Variants in CDX2 observed in about 807,000 individuals in gnomAD.
CDX2 encodes homeobox protein CDX-2.
Under a neutral mutation model 25.5 loss-of-function variants are expected in CDX2, and 7 were observed. That is an observed-to-expected ratio of 0.27 (90% CI 0.16 to 0.52). The LOEUF (loss-of-function observed/expected upper bound fraction) is 0.52, where lower values mean the gene tolerates loss of function less well. Ranked by LOEUF, CDX2 falls within the 20% of genes least tolerant of loss-of-function variation. CDX2 has a pLI of 0.97. For synonymous variants in CDX2, 222 were observed against 198.6 expected (o/e 1.12, Z -0.99); for missense variants, 375 against 431.4 (o/e 0.87, Z 1.16).
chr13:27,965,804 A>C (rs1174581355), intron 1 of CDX2, among the ~76,000 whole-genome samples: 1 of 152,220 alleles, frequency 6.6e-6, no homozygotes, highest in Non-Finnish European at 1.5e-5. Flanking sequence ...TAGTGTCCAC[A>C]ATGTTGGAGC....
intron 1 of CDX2, among the ~76,000 whole-genome samples, chr13:27,968,085 C>T (rs941143592): frequency 9.9e-5 from 15 of 152,228 alleles, no homozygotes; most frequent in African/African-American, 3.6e-4. Context: ...CCTCTCTCCT[C>T]GGCGGCCAGG....
At chr13:27,965,119 C>T (rs1322231323) in intron 1 of CDX2, 104 bp from the exon 2 acceptor site, 28 of 1,265,688 alleles carry the variant, frequency 2.2e-5, no homozygotes, top group Non-Finnish European at 2.9e-5. Flanking sequence ...TCCTCCACCA[C>T]CCTGGGGGGC....
In CDX2 at chr13:27,961,828, G is replaced by A. The variant is rs1207359311; in HGVS notation, c.*1287C>T. ...GGATTTGGTGAGATGCTATGAGGGG[G>A]CCCTCTCACCCCCACCCCCCATAAT... On this transcript the variant is annotated 3_prime_UTR_variant, in exon 3 of 3. Coordinates refer to ENST00000381020, the MANE Select transcript of CDX2 (RefSeq NM_001265.6). 6.6e-6 allele frequency among the ~76,000 whole-genome samples: 1 copy of A among 152,088 alleles called. No homozygotes were observed. Among genetic ancestry groups the A allele is most frequent in the Non-Finnish European group, 1.5e-5 (1 of 67,994 alleles).
chr13:27,967,784 C>G (rs1347776227), intron 1 of CDX2, among the ~76,000 whole-genome samples: 2 of 152,210 alleles, frequency 1.3e-5, no homozygotes, highest in Non-Finnish European at 2.9e-5. Flanking sequence ...TTGCCCCTAG[C>G]CTTCCAGCTT....
rs1805106 is a variant in CDX2, at chr13:27,968,824, C to G, written c.183G>C (p.Pro61=). The G allele has an allele frequency of 0.029, 46,100 of 1,564,180 alleles. 947 individuals carry two copies. The highest frequency in any genetic ancestry group is 0.12 in the East Asian group (4,920 of 42,718). Residue 61 remains proline (P), a synonymous_variant, in exon 1 of 3, where the codon CCG becomes CCC. Transcript: ENST00000381020. ...AAANLDSAQS[P]GPSWPAAYGA... ...CATACGCTGCCGGCCAGGATGGCCC[C>G]GGGGACTGCGCGCTGTCCAAGTTCG... is the stretch of plus-strand genomic sequence containing the variant.
chr13:27,969,120 G>A lies in CDX2; in HGVS notation c.-114C>T. On this transcript the variant is annotated 5_prime_UTR_variant, in exon 1 of 3. Transcript: ENST00000381020. ...GGGACTCGAGGAGCGGCGGGTGGCT[G>A]CGCCCCAGCCCGCGGTGCTCCGCTG... 1 of 754,286 alleles carries A rather than the reference G, an allele frequency of 1.3e-6. No individual in the cohort carries two copies. Among genetic ancestry groups the A allele is most frequent in the Non-Finnish European group, 2.1e-6 (1 of 485,328 alleles). 46.7% of individuals were successfully genotyped at this position (754,286 alleles called of 1,614,324 possible).
In CDX2 at chr13:27,961,871, C is replaced by A. The variant is rs577396225; in HGVS notation, c.*1244G>T. Among the ~76,000 whole-genome samples the A allele has an allele frequency of 2.0e-3, 297 of 151,606 alleles. 1 individual carries two copies. The highest frequency in any genetic ancestry group is 7.1e-3 in the African/African-American group (292 of 41,324). On this transcript the variant is annotated 3_prime_UTR_variant, in exon 3 of 3. Transcript: ENST00000381020. ...CCCATAATTTCTGACTGCTGGGAAG[C>A]ACCTGGCCATTCAGATGTGCATTTT...
Position 27,967,629 on chromosome 13 carries a change from G to T in CDX2, c.541+837C>A, listed in dbSNP as rs528218157. Among the ~76,000 whole-genome samples, 40 of 152,186 alleles carry T rather than the reference G, an allele frequency of 2.6e-4. No individual in the cohort carries two copies. The South Asian group carries it at 7.5e-3, about 28-fold the overall frequency. ...GGCAAACCTAGGATCTTTTTCAGTTGCACACACACACTCACAGACATCCCT... is the reference window on the plus strand; with the variant it reads ...GGCAAACCTAGGATCTTTTTCAGTTTCACACACACACTCACAGACATCCCT... On this transcript the variant is annotated intron_variant, in intron 1 of 2. Coordinates refer to ENST00000381020, the MANE Select transcript of CDX2 (RefSeq NM_001265.6).
At position 27,964,226 on chromosome 13, in the gene CDX2, C is replaced by T. The variant is rs565179673; in HGVS notation, c.687+644G>A. On this transcript the variant is annotated intron_variant, in intron 2 of 2. Transcript: ENST00000381020. This position sits in a 1 kb window ranked among gnomAD's most constrained non-coding sequence, Gnocchi z 4.7. ...ACTAGCCTGACTAACATGGAGAAACCGCATTTCTACTAAAAATACAAAATT... is the reference window on the plus strand; with the variant it reads ...ACTAGCCTGACTAACATGGAGAAACTGCATTTCTACTAAAAATACAAAATT... Among the ~76,000 whole-genome samples the T allele has an allele frequency of 1.8e-4, 27 of 152,188 alleles. No homozygotes were observed. Among genetic ancestry groups the T allele is most frequent in the South Asian group, 4.1e-4 (2 of 4,828 alleles).
rs1869025673 is a variant in CDX2, at chr13:27,961,132, C to T, written c.*1983G>A. ...TCCTCTGCCCGGCACCCCCCGACCC[C>T]ACGCCCCGCACTCCTCCCTCTGGCT... On this transcript the variant is annotated 3_prime_UTR_variant, in exon 3 of 3. Transcript: ENST00000381020. Among the ~76,000 whole-genome samples, 1 of 152,132 alleles carries T rather than the reference C, an allele frequency of 6.6e-6. No individual in the cohort carries two copies. Among genetic ancestry groups the T allele is most frequent in the South Asian group, 2.1e-4 (1 of 4,830 alleles).
At position 27,964,902 on chromosome 13, in the gene CDX2, G is replaced by T; in HGVS notation, c.655C>A (p.Leu219Ile). ...RYITIRRKAE[L>I]AATLGLSERQ... ...TCAGAGAGCCCCAGCGTGGCGGCTAGCTCGGCTTTCCTCCGGATGGTGATG... is the reference window on the plus strand; with the variant it reads ...TCAGAGAGCCCCAGCGTGGCGGCTATCTCGGCTTTCCTCCGGATGGTGATG... The change falls in exon 2 of 3, where the codon CTA becomes ATA. Residue 219 changes from leucine to isoleucine, a missense_variant. Leu to Ile is a conservative substitution (Grantham distance 5). This residue lies in a region of CDX2 where 64 missense variants were observed against 124.6 expected (regional missense o/e 0.51). Transcript: ENST00000381020. The surrounding 1 kb of genome is among the most constrained non-coding windows in gnomAD (Gnocchi z 4.7). 6.2e-7 allele frequency: 1 copy of T among 1,614,104 alleles called. No individual in the cohort carries two copies. Among genetic ancestry groups the T allele is most frequent in the Non-Finnish European group, 8.5e-7 (1 of 1,180,004 alleles).
intron 1 of CDX2, among the ~76,000 whole-genome samples, chr13:27,967,836 G>T (rs536826340): frequency 2.6e-5 from 4 of 152,228 alleles, no homozygotes; most frequent in East Asian, 1.9e-4. Context: ...GTTCAGAGAC[G>T]GGGCGCGCCC....
intron 1 of CDX2, chr13:27,967,186 T>A: frequency 2.3e-6 from 1 of 443,054 alleles, no homozygotes; most frequent in Admixed American, 2.9e-5. Context: ...GGAGCCAGGA[T>A]CTGGGAGCCC....
At position 27,968,810 on chromosome 13, in the gene CDX2, G is replaced by A. The variant is rs965288118; in HGVS notation, c.197C>T (p.Pro66Leu). ...DSAQSPGPSW[P>L]AAYGAPLRED... ...CCGGAGTGGGGCGCCATACGCTGCCGGCCAGGATGGCCCCGGGGACTGCGC... is the reference window on the plus strand; with the variant it reads ...CCGGAGTGGGGCGCCATACGCTGCCAGCCAGGATGGCCCCGGGGACTGCGC... The change falls in exon 1 of 3, where the codon CCG becomes CTG. Residue 66 changes from proline to leucine, a missense_variant. Physicochemically the swap from Pro to Leu is moderately conservative, Grantham distance 98. Coordinates refer to ENST00000381020, the MANE Select transcript of CDX2 (RefSeq NM_001265.6). 6.5e-7 allele frequency: 1 copy of A among 1,543,266 alleles called. No homozygotes were observed. Among genetic ancestry groups the A allele is most frequent in the Non-Finnish European group, 8.7e-7 (1 of 1,148,300 alleles).
rs1355332857 is a variant in CDX2 at position 27,961,346 on chromosome 13, C to G, written c.*1769G>C. Among the ~76,000 whole-genome samples the G allele has an allele frequency of 6.6e-6, 1 of 152,248 alleles. No homozygotes were observed. The highest frequency in any genetic ancestry group is 2.4e-5 in the African/African-American group (1 of 41,470). ...CCTCCGTGGGCGCGCTGATTAGGCTCTCGGATGTTGGTGGGAAGATCGAAA... is the reference window on the plus strand; with the variant it reads ...CCTCCGTGGGCGCGCTGATTAGGCTGTCGGATGTTGGTGGGAAGATCGAAA... On this transcript the variant is annotated 3_prime_UTR_variant, in exon 3 of 3. Coordinates refer to ENST00000381020, the MANE Select transcript of CDX2 (RefSeq NM_001265.6).
At chr13:27,967,130 C>T in intron 1 of CDX2, 1 of 382,140 alleles carries the variant, frequency 2.6e-6, no homozygotes, top group Non-Finnish European at 5.1e-6. Context: ...GTGCGCCACC[C>T]CCGCCAACCG....
rs1159452411 is a variant in CDX2, at chr13:27,964,476, T to A, written c.687+394A>T. Among the ~76,000 whole-genome samples, 1 of 151,226 alleles carries A rather than the reference T, an allele frequency of 6.6e-6. No individual in the cohort carries two copies. The highest frequency in any genetic ancestry group is 1.5e-5 in the Non-Finnish European group (1 of 67,840). ...ACCGGTAATCTCAGCACTTTAGGAG[T>A]CCAAGACAGGAGGAGCATTTGGAGT... On this transcript the variant is annotated intron_variant, in intron 2 of 2. Transcript: ENST00000381020. This position sits in a 1 kb window ranked among gnomAD's most constrained non-coding sequence, Gnocchi z 4.7.
rs1217005400 is a variant in CDX2 at position 27,960,932 on chromosome 13, A to C, written c.*2183T>G. Reference sequence around the variant, plus strand: ...TGTGCTCTTGCTCCACTGTCCAAACAGGGTTTATTGACAGGCGTTTCACGG... The same window carrying C: ...TGTGCTCTTGCTCCACTGTCCAAACCGGGTTTATTGACAGGCGTTTCACGG... On this transcript the variant is annotated 3_prime_UTR_variant, in exon 3 of 3. Transcript: ENST00000381020. Among the ~76,000 whole-genome samples, 1 of 152,236 alleles carries C rather than the reference A, an allele frequency of 6.6e-6. No individual in the cohort carries two copies.
In CDX2 at chr13:27,969,168, C is replaced by T; in HGVS notation, c.-162G>A. 1.8e-6 allele frequency: 1 copy of T among 564,238 alleles called. No individual in the cohort carries two copies. Among genetic ancestry groups the T allele is most frequent in the Non-Finnish European group, 3.1e-6 (1 of 324,924 alleles). 35.0% of individuals were successfully genotyped at this position (564,238 alleles called of 1,614,324 possible). On this transcript the variant is annotated 5_prime_UTR_variant, in exon 1 of 3. Transcript: ENST00000381020. ...CTGGCTCCTCGCGGCTCTTCTGCCT[C>T]CGAGGCGGTCCCTCCCTCTGGCCTG...
Sources: gnomAD v4.1 joint callset for allele counts (sites outside exome capture counted in the v4.1 genomes callset) on GRCh38, gnomAD v4.1.1 for gene constraint, gnomAD v4.1.1 regional missense constraint, Gnocchi (gnomAD v3.1) non-coding constraint, MANE v1.5 for transcripts, NCBI Gene and HGNC (gene_info 2026-07-23, HGNC 2026-07-21) for gene names.